Variants in TCF12 observed in about 807,000 individuals in gnomAD.
TCF12 encodes the protein DNA-binding protein HTF4.
TCF12 carries 45 observed loss-of-function variants against 86.0 expected under a neutral mutation model. The observed-to-expected ratio is 0.52, with a 90% CI of 0.41 to 0.67. The LOEUF (loss-of-function observed/expected upper bound fraction) is 0.67. Ranked by LOEUF, TCF12 falls within the 30% of genes least tolerant of loss-of-function variation. The pLI, the probability that TCF12 is intolerant of heterozygous loss-of-function variation, is 0.00. For synonymous variants in TCF12, 330 were observed against 299.6 expected, an observed-to-expected ratio of 1.10 and a Z score of -1.05; for missense variants, 881 against 859.9, an observed-to-expected ratio of 1.02 and a Z score of -0.31.
chr15:57,129,139 A>G (rs1218769189), intron 5 of TCF12, among the ~76,000 whole-genome samples: 2 of 152,212 alleles, frequency 1.3e-5, no homozygotes, highest in Non-Finnish European at 2.9e-5. Context: ...ACCATTTTAC[A>G]ATCCCATCAG....
chr15:57,231,517 A>C (rs1357664606), intron 9 of TCF12, among the ~76,000 whole-genome samples: 1 of 152,094 alleles, frequency 6.6e-6, no homozygotes, highest in East Asian at 1.9e-4. Context: ...AAATTAATAG[A>C]GCTGTTCTTG....
chr15:57,062,766 A>G (rs1008339220), intron 3 of TCF12, among the ~76,000 whole-genome samples: 6 of 152,240 alleles, frequency 3.9e-5, no homozygotes, highest in Admixed American at 6.5e-5. Flanking sequence ...TTCTAAACTT[A>G]GCAGAATGTT....
intron 5 of TCF12, among the ~76,000 whole-genome samples, chr15:57,156,931 C>G (rs1329166674): frequency 6.6e-6 from 1 of 152,170 alleles, no homozygotes; most frequent in Non-Finnish European, 1.5e-5. Context: ...TTGGTGGAAA[C>G]AGAGTCAGTG....
chr15:57,019,951 A>G (rs1487418700), intron 3 of TCF12, among the ~76,000 whole-genome samples: 2 of 152,116 alleles, frequency 1.3e-5, no homozygotes, highest in African/African-American at 2.4e-5. Context: ...CTTGCTTCCA[A>G]GTTAAACTAT....
intron 5 of TCF12, among the ~76,000 whole-genome samples, chr15:57,118,097 C>T (rs1435881093): frequency 1.3e-5 from 2 of 152,202 alleles, no homozygotes; most frequent in East Asian, 3.9e-4. Context: ...GTTGCTTGGC[C>T]AGGATATATT....
At chr15:57,262,972 C>T (rs2060658300) in intron 17 of TCF12, 140 bp from the exon 18 acceptor site, 2 of 802,178 alleles carry the variant, frequency 2.5e-6, no homozygotes, top group Non-Finnish European at 1.9e-6. Context: ...AAATAGTATA[C>T]TTTCCTACAT....
At chr15:57,026,163 A>G (rs773683712) in intron 3 of TCF12, among the ~76,000 whole-genome samples, 11 of 152,264 alleles carry the variant, frequency 7.2e-5, no homozygotes, top group African/African-American at 2.7e-4. Context: ...CAGTTGTAAC[A>G]TGAAAGCAAG....
intron 3 of TCF12, among the ~76,000 whole-genome samples, chr15:56,986,478 T>C (rs1401676949): frequency 6.6e-6 from 1 of 152,188 alleles, no homozygotes; most frequent in African/African-American, 2.4e-5. Flanking sequence ...GTATGTCCTG[T>C]TGTAAGTAGC....
intron 19 of TCF12, among the ~76,000 whole-genome samples, chr15:57,276,997 A>T (rs1597849979): frequency 6.6e-6 from 1 of 151,714 alleles, no homozygotes; most frequent in Non-Finnish European, 1.5e-5. Flanking sequence ...GTAGAGACAG[A>T]GTTTCACCAT....
chr15:56,939,967 G>GGTTTT (rs1444529366), intron 3 of TCF12, among the ~76,000 whole-genome samples: 2 of 104,752 alleles, frequency 1.9e-5, no homozygotes, highest in African/African-American at 8.7e-5. Flanking sequence ...TTAATAGCGT[G>GGTTTT]TTTTTTTTTT....
intron 3 of TCF12, among the ~76,000 whole-genome samples, chr15:57,028,549 G>A (rs575857453): frequency 2.0e-5 from 3 of 152,102 alleles, no homozygotes; most frequent in East Asian, 1.9e-4. Context: ...CCAGCTTTTT[G>A]TTAAATTTAA....
intron 5 of TCF12, among the ~76,000 whole-genome samples, chr15:57,115,104 T>C (rs894367793): frequency 8.5e-5 from 13 of 152,246 alleles, no homozygotes; most frequent in African/African-American, 3.1e-4. Flanking sequence ...TCTGTAGTTT[T>C]GGAAAATAAA....
chr15:57,058,590 T>C (rs183511165), intron 3 of TCF12, among the ~76,000 whole-genome samples: 31 of 152,334 alleles, frequency 2.0e-4, no homozygotes, highest in African/African-American at 7.5e-4. Context: ...CATATGTGTT[T>C]TTTAGACTGT....
intron 19 of TCF12, among the ~76,000 whole-genome samples, chr15:57,280,602 G>C (rs2152125243): frequency 6.6e-6 from 1 of 152,302 alleles, no homozygotes. Flanking sequence ...CGGCACAGTG[G>C]CACTTGCTGG....
chr15:57,068,261 G>C (rs780584676), intron 4 of TCF12, among the ~76,000 whole-genome samples: 1 of 152,152 alleles, frequency 6.6e-6, no homozygotes, highest in East Asian at 1.9e-4. Flanking sequence ...AAATTGCATA[G>C]ATCAATGTCT....
chr15:57,234,732 C>G (rs145768581), intron 12 of TCF12, among the ~76,000 whole-genome samples: 1 of 152,164 alleles, frequency 6.6e-6, no homozygotes, highest in Admixed American at 6.6e-5. Context: ...TCTCCTCTTT[C>G]GGAATGCCAA....
intron 3 of TCF12, among the ~76,000 whole-genome samples, chr15:56,949,204 A>G (rs758420506): frequency 3.2e-4 from 48 of 152,220 alleles, no homozygotes; most frequent in Non-Finnish European, 6.6e-4. Context: ...TCTGTACGCT[A>G]ATTAAGCACA....
intron 3 of TCF12, among the ~76,000 whole-genome samples, chr15:57,059,775 T>C (rs2141677280): frequency 6.9e-6 from 1 of 144,026 alleles, no homozygotes; most frequent in African/African-American, 2.6e-5. Context: ...AATAGGTGCT[T>C]AGGGCATAGA....
intron 5 of TCF12, among the ~76,000 whole-genome samples, chr15:57,098,046 A>G (rs1053520785): frequency 6.8e-6 from 1 of 147,224 alleles, no homozygotes. Context: ...CCAGTCAGGC[A>G]TGATGGCACA....
Sources: gnomAD v4.1 joint callset for allele counts (sites outside exome capture counted in the v4.1 genomes callset) on GRCh38, gnomAD v4.1.1 for gene constraint, MANE v1.5 for transcripts, NCBI Gene and HGNC (gene_info 2026-07-23, HGNC 2026-07-21) for gene names.